The following ZBED4 variants were observed in gnomAD, a reference collection of about 807,000 sequenced individuals.
ZBED4 encodes the protein zinc finger BED-type containing 4, also known as zinc finger BED domain-containing protein 4.
Under a neutral mutation model 15.5 loss-of-function variants are expected in ZBED4, and 4 were observed. The observed-to-expected ratio is 0.26, with a 90% CI of 0.13 to 0.59. ZBED4 has a LOEUF of 0.59. ZBED4 is among the 20% of genes least tolerant of loss of function. The probability of loss-of-function intolerance (pLI) is 0.90; values close to 1 mark genes in which losing one functional copy is unlikely to be tolerated. For synonymous variants in ZBED4, 692 were observed against 608.5 expected (o/e 1.14, Z -2.02); for missense variants, 1,323 against 1,461.8 (o/e 0.91, Z 1.55).
At chr22:49,864,936 AGC>A (rs2060313457) in intron 1 of ZBED4, among the ~76,000 whole-genome samples, 1 of 14,206 alleles carries the variant, frequency 7.0e-5, no homozygotes, top group South Asian at 4.4e-3. Context: ...TATCCCAGCA[AGC>A]CCCCCCCCCC....
intron 1 of ZBED4, among the ~76,000 whole-genome samples, chr22:49,870,968 T>C (rs1390549091): frequency 6.8e-6 from 1 of 146,484 alleles, no homozygotes; most frequent in African/African-American, 2.6e-5. Flanking sequence ...TGAGATGGAG[T>C]CTCACTCTGT....
intron 1 of ZBED4, among the ~76,000 whole-genome samples, chr22:49,862,227 C>T (rs975572534): frequency 4.6e-5 from 7 of 152,226 alleles, no homozygotes; most frequent in Admixed American, 3.9e-4. Context: ...CTATACGGAG[C>T]GGCCCCAACG....
Position 49,882,374 on chromosome 22 carries a change from G to A in ZBED4, c.-329-960G>A, listed in dbSNP as rs558435918. The stretch of plus-strand genomic sequence containing the variant: ...CGAGGCTTCACTGAGCTGTGGTCAC[G>A]CCACTGCACTCCAGCCTAAGTGACA... On this transcript the variant is annotated intron_variant, in intron 1 of 1. Transcript: ENST00000216268. 3.9e-5 allele frequency among the ~76,000 whole-genome samples: 6 copies of A among 152,292 alleles called. No homozygotes were observed. In the South Asian group the frequency reaches 6.2e-4, roughly 16 times the overall value.
intron 1 of ZBED4, among the ~76,000 whole-genome samples, chr22:49,880,685 T>G (rs1016056731): frequency 6.6e-6 from 1 of 152,258 alleles, no homozygotes; most frequent in Non-Finnish European, 1.5e-5. Flanking sequence ...AGCTTTGTTC[T>G]TTCTTTCCAA....
At position 49,882,740 on chromosome 22, in the gene ZBED4, GC is replaced by G. The variant is rs777407897; in HGVS notation, c.-329-593del. Among the ~76,000 whole-genome samples the G allele has an allele frequency of 2.0e-5, 3 of 152,130 alleles. No individual in the cohort carries two copies. In the South Asian group the frequency reaches 6.2e-4, roughly 32 times the overall value. On this transcript the variant is annotated intron_variant, in intron 1 of 1. Transcript: ENST00000216268. ...ACTGTCTCCTCTTGGCTGCATTCCA[GC>G]ACGGCGCAGCATCACTTGGGGACGG...
chr22:49,872,162 C>T (rs907100813), intron 1 of ZBED4, among the ~76,000 whole-genome samples: 2 of 152,182 alleles, frequency 1.3e-5, no homozygotes, highest in African/African-American at 2.4e-5. Context: ...GTAGTCAATC[C>T]TCTCAAACCC....
chr22:49,885,263 C>T lies in ZBED4; in HGVS notation c.1601C>T (p.Ser534Phe), dbSNP rs2060431824. The change falls in exon 2 of 2, where the codon TCC (serine) becomes TTC (phenylalanine). Residue 534 changes from serine to phenylalanine, a missense_variant. Ser to Phe is a radical substitution (Grantham distance 155). Around this residue, in one of 6 missense-constraint regions of ZBED4, gnomAD observed 429 missense variants for 397.9 expected, o/e 1.08. Transcript: ENST00000216268. ...PYATLASAESSSSKLTDLPTV... is the reference protein window; with the variant it reads ...PYATLASAESFSSKLTDLPTV... Reference sequence around the variant, plus strand: ...GCCACTTTGGCCTCTGCAGAAAGTTCCTCTTCCAAATTGACTGACTTGCCA... The same window carrying T: ...GCCACTTTGGCCTCTGCAGAAAGTTTCTCTTCCAAATTGACTGACTTGCCA... 6.3e-7 allele frequency: 1 copy of T among 1,599,182 alleles called. No homozygotes were observed. Among genetic ancestry groups the T allele is most frequent in the South Asian group, 1.1e-5 (1 of 89,944 alleles).
chr22:49,860,454 C>T (rs2147501597), intron 1 of ZBED4, among the ~76,000 whole-genome samples: 1 of 152,206 alleles, frequency 6.6e-6, no homozygotes, highest in East Asian at 1.9e-4. Context: ...ATTACAATAC[C>T]ACTCCTGTAA....
At chr22:49,872,898 A>G (rs2060355757) in intron 1 of ZBED4, among the ~76,000 whole-genome samples, 1 of 152,030 alleles carries the variant, frequency 6.6e-6, no homozygotes, top group East Asian at 1.9e-4. Flanking sequence ...AGGTTTCACC[A>G]TGTTAGCCAG....
intron 1 of ZBED4, among the ~76,000 whole-genome samples, chr22:49,870,080 G>A (rs574522295): frequency 1.4e-4 from 21 of 152,268 alleles, no homozygotes; most frequent in Middle Eastern, 3.4e-3. Context: ...TGTGGTATCC[G>A]GTTTTCTGTT....
At chr22:49,865,997 T>C (rs1267112746) in intron 1 of ZBED4, among the ~76,000 whole-genome samples, 1 of 152,086 alleles carries the variant, frequency 6.6e-6, no homozygotes, top group Non-Finnish European at 1.5e-5. Context: ...CGTGGGCCAC[T>C]GTGCCTGGCT....
intron 1 of ZBED4, among the ~76,000 whole-genome samples, chr22:49,874,132 C>G (rs1292063230): frequency 6.6e-6 from 1 of 152,152 alleles, no homozygotes; most frequent in African/African-American, 2.4e-5. Flanking sequence ...CTCTGACAGC[C>G]GCCTCCTGCC....
intron 1 of ZBED4, among the ~76,000 whole-genome samples, chr22:49,872,882 A>G (rs544433589): frequency 7.9e-5 from 12 of 152,192 alleles, no homozygotes; most frequent in Middle Eastern, 3.4e-3. Flanking sequence ...TATTTTTAGT[A>G]GAGACAGGTT....
chr22:49,854,343 C>T (rs1027607088), intron 1 of ZBED4, among the ~76,000 whole-genome samples: 31 of 151,088 alleles, frequency 2.1e-4, no homozygotes, highest in African/African-American at 7.0e-4. Context: ...CGCGCTGTCC[C>T]GGCCACGTCG....
intron 1 of ZBED4, among the ~76,000 whole-genome samples, chr22:49,872,213 A>C (rs958688221): frequency 2.6e-5 from 4 of 152,106 alleles, no homozygotes; most frequent in African/African-American, 9.7e-5. Context: ...ATATTCCAAA[A>C]TCTTTATTGT....
intron 1 of ZBED4, among the ~76,000 whole-genome samples, chr22:49,881,400 T>C (rs1303646370): frequency 6.6e-6 from 1 of 152,230 alleles, no homozygotes; most frequent in Non-Finnish European, 1.5e-5. Flanking sequence ...CAGTTGCTGT[T>C]TTTTTGAGAT....
At chr22:49,855,590 G>A (rs913219164) in intron 1 of ZBED4, among the ~76,000 whole-genome samples, 1 of 152,222 alleles carries the variant, frequency 6.6e-6, no homozygotes, top group African/African-American at 2.4e-5. Flanking sequence ...AGGTGTGTGT[G>A]TGTGTGTGTC....
At chr22:49,861,841 G>A (rs771078155) in intron 1 of ZBED4, among the ~76,000 whole-genome samples, 6 of 152,174 alleles carry the variant, frequency 3.9e-5, no homozygotes, top group Non-Finnish European at 8.8e-5. Flanking sequence ...ACGTTGCCGT[G>A]TGTTGCATTT....
At chr22:49,879,157 AAAAC>A (rs1366710689) in intron 1 of ZBED4, among the ~76,000 whole-genome samples, 1 of 150,422 alleles carries the variant, frequency 6.6e-6, no homozygotes, top group Non-Finnish European at 1.5e-5. Context: ...AAAAAAACAA[AAAAC>A]AAAAAAAAAC....
Sources: allele counts gnomAD v4.1 joint callset (sites outside exome capture counted in the v4.1 genomes callset), GRCh38; gene constraint gnomAD v4.1.1; regional missense constraint gnomAD v4.1.1; transcripts MANE v1.5; gene names NCBI Gene and HGNC (gene_info 2026-07-23, HGNC 2026-07-21).